The following ZMYND12 variants were observed in gnomAD, a reference collection of about 807,000 sequenced individuals.
ZMYND12 encodes the protein zinc finger MYND-type containing 12.
ZMYND12 carries 32 observed loss-of-function variants against 41.7 expected under a neutral mutation model. The observed-to-expected ratio is 0.77, with a 90% CI of 0.58 to 1.03. The LOEUF is 1.03. Among genes scored for constraint, ZMYND12 ranks in the 50% least tolerant of loss-of-function variants. The pLI is 0.00. For missense variants in ZMYND12, 424 were observed against 438.5 expected (o/e 0.97, Z 0.30); for synonymous variants, 148 against 164.8 (o/e 0.90, Z 0.78).
At chr1:42,452,564 G>C (rs1309461000) in intron 1 of ZMYND12, among the ~76,000 whole-genome samples, 1 of 152,088 alleles carries the variant, frequency 6.6e-6, no homozygotes, top group Non-Finnish European at 1.5e-5. Flanking sequence ...TTAGCCAGGC[G>C]TGGTGGCGCA....
chr1:42,440,055 T>A, intron 3 of ZMYND12, 30 bp from the exon 4 acceptor site: 1 of 1,565,272 alleles, frequency 6.4e-7, no homozygotes, highest in Non-Finnish European at 8.6e-7. Flanking sequence ...AAGGTTATAA[T>A]TCATATCCAG....
intron 1 of ZMYND12, among the ~76,000 whole-genome samples, chr1:42,454,368 A>G (rs2809659): frequency 0.98 from 149,263 of 152,336 alleles, 73,193 homozygotes; most frequent in East Asian, 1. Context: ...GCCTAATGAA[A>G]GAAATAAATA....
rs774420119 is a variant in ZMYND12, at chr1:42,449,906, C to T, written c.252+12G>A. On this transcript the variant is annotated intron_variant, in intron 2 of 7. Coordinates refer to ENST00000372565, the MANE Select transcript of ZMYND12 (RefSeq NM_032257.5). Reference sequence around the variant, plus strand: ...CCTACGACTTAACCTTGGAAAGTGCCGTAGGCCCTACCTGCCGCTGCTGCA... The same window carrying T: ...CCTACGACTTAACCTTGGAAAGTGCTGTAGGCCCTACCTGCCGCTGCTGCA... 1.6e-5 allele frequency: 26 copies of T among 1,608,722 alleles called. No individual in the cohort carries two copies. The highest frequency in any genetic ancestry group is 1.6e-4 in the African/African-American group (12 of 74,906).
intron 7 of ZMYND12, among the ~76,000 whole-genome samples, chr1:42,432,528 ATGTT>A (rs1642864325): frequency 6.6e-6 from 1 of 152,154 alleles, no homozygotes; most frequent in South Asian, 2.1e-4. Flanking sequence ...TTTTCAATAA[ATGTT>A]TGAATGAATG....
At chr1:42,441,571 T>C (rs1570350835) in intron 3 of ZMYND12, among the ~76,000 whole-genome samples, 1 of 152,158 alleles carries the variant, frequency 6.6e-6, no homozygotes, top group South Asian at 2.1e-4. Flanking sequence ...TTTGTTTACA[T>C]TTTTTCTTTT....
chr1:42,447,581 A>G (rs1214597292), intron 3 of ZMYND12, among the ~76,000 whole-genome samples: 1 of 152,232 alleles, frequency 6.6e-6, no homozygotes, highest in East Asian at 1.9e-4. Context: ...ATTCTCCTTC[A>G]TAACCACAAT....
intron 1 of ZMYND12, among the ~76,000 whole-genome samples, chr1:42,454,704 CTT>C (rs35101875): frequency 4.9e-4 from 70 of 143,212 alleles, no homozygotes; most frequent in Middle Eastern, 3.5e-3. Context: ...GATGTTCCAA[CTT>C]TTTTTTTTTT....
At chr1:42,432,200 G>A (rs1317436471) in intron 7 of ZMYND12, among the ~76,000 whole-genome samples, 1 of 151,640 alleles carries the variant, frequency 6.6e-6, no homozygotes. Context: ...GGGACTACAT[G>A]TGCACACCTC....
At chr1:42,431,443 C>G (rs1027615176) in intron 7 of ZMYND12, among the ~76,000 whole-genome samples, 1 of 151,844 alleles carries the variant, frequency 6.6e-6, no homozygotes, top group Non-Finnish European at 1.5e-5. Flanking sequence ...ATGATAAATG[C>G]TAAGGAAAAA....
chr1:42,435,896 C>T (rs569227254), intron 5 of ZMYND12, among the ~76,000 whole-genome samples: 22 of 152,284 alleles, frequency 1.4e-4, no homozygotes, highest in African/African-American at 4.8e-4. Flanking sequence ...AGCAGAAAGC[C>T]TGTATTACAC....
chr1:42,451,198 C>T lies in ZMYND12; in HGVS notation c.111-1139G>A, dbSNP rs534827212. Among the ~76,000 whole-genome samples, 10 of 152,146 alleles carry T rather than the reference C, an allele frequency of 6.6e-5. 1 individual carries two copies. The South Asian group carries it at 2.1e-3, about 32-fold the overall frequency. ...TGATCTTCTATCTAGTTGTTCTATT[C>T]ATTACTGAGAGTGGGATACTGGATC... On this transcript the variant is annotated intron_variant, in intron 1 of 7. Transcript: ENST00000372565.
chr1:42,450,822 T>A (rs759487231), intron 1 of ZMYND12, among the ~76,000 whole-genome samples: 17 of 152,226 alleles, frequency 1.1e-4, no homozygotes, highest in Non-Finnish European at 1.5e-4. Context: ...TTTTCTAATT[T>A]CCTTTGTAAT....
intron 2 of ZMYND12, among the ~76,000 whole-genome samples, 198 bp from the exon 3 acceptor site, chr1:42,448,836 C>T (rs948796539): frequency 6.6e-6 from 1 of 152,084 alleles, no homozygotes; most frequent in African/African-American, 2.4e-5. Flanking sequence ...TCCTTAAGGC[C>T]CAGGAACATG....
intron 3 of ZMYND12, among the ~76,000 whole-genome samples, chr1:42,442,035 T>C (rs1026040780): frequency 1.3e-5 from 2 of 152,068 alleles, no homozygotes; most frequent in Admixed American, 6.5e-5. Flanking sequence ...GTGTAGGGAC[T>C]GTATCGGCCT....
chr1:42,448,767 TAG>T, intron 2 of ZMYND12, 129 bp from the exon 3 acceptor site: 1 of 855,842 alleles, frequency 1.2e-6, no homozygotes, highest in Non-Finnish European at 1.7e-6. Flanking sequence ...CTGCCTGTAT[TAG>T]AGTGGACGTG....
intron 7 of ZMYND12, 82 bp downstream of exon 7, chr1:42,433,061 T>C (rs1222967500): frequency 7.0e-6 from 11 of 1,570,564 alleles, no homozygotes; most frequent in Non-Finnish European, 9.5e-6. Context: ...GCTATTGGAA[T>C]TGGGCAAAAC....
At chr1:42,441,531 T>C (rs1279855818) in intron 3 of ZMYND12, among the ~76,000 whole-genome samples, 1 of 152,266 alleles carries the variant, frequency 6.6e-6, no homozygotes, top group Non-Finnish European at 1.5e-5. Flanking sequence ...GCTATGTAAA[T>C]AGTTGTTCTA....
intron 2 of ZMYND12, among the ~76,000 whole-genome samples, chr1:42,449,633 T>A (rs952171216): frequency 6.6e-6 from 1 of 152,182 alleles, no homozygotes; most frequent in African/African-American, 2.4e-5. Context: ...GACCCCTTGA[T>A]CTTGGACTTC....
chr1:42,454,431 T>C (rs1205342218), intron 1 of ZMYND12, among the ~76,000 whole-genome samples: 2 of 152,176 alleles, frequency 1.3e-5, no homozygotes, highest in Non-Finnish European at 2.9e-5. Context: ...ACTCAGTGCT[T>C]TGAGAGCACT....
Sources: allele counts gnomAD v4.1 joint callset (sites outside exome capture counted in the v4.1 genomes callset), GRCh38; gene constraint gnomAD v4.1.1; transcripts MANE v1.5; gene names NCBI Gene and HGNC (gene_info 2026-07-23, HGNC 2026-07-21).